STK35: variants seen among roughly 807,000 people sequenced by gnomAD.
STK35 encodes the protein serine/threonine-protein kinase 35.
STK35 carries 17 observed loss-of-function variants against 37.3 expected under a neutral mutation model. The ratio of observed to expected loss-of-function variants is 0.46; its 90% confidence interval spans 0.31 to 0.68. The LOEUF is 0.68. Ranked by LOEUF, STK35 falls within the 30% of genes least tolerant of loss-of-function variation. The pLI is 0.05. For missense variants in STK35, 595 were observed against 746.7 expected, an observed-to-expected ratio of 0.80 and a Z score of 2.37; for synonymous variants, 385 against 319.1, an observed-to-expected ratio of 1.21 and a Z score of -2.20.
chr20:2,104,214 T>G (rs984530217), intron 2 of STK35, among the ~76,000 whole-genome samples: 2 of 152,118 alleles, frequency 1.3e-5, no homozygotes, highest in African/African-American at 4.8e-5. Context: ...CTCACAAGCC[T>G]TTTTCATACT....
intron 2 of STK35, 26 bp downstream of exon 2, chr20:2,103,391 C>T: frequency 6.3e-7 from 1 of 1,594,002 alleles, no homozygotes; most frequent in Non-Finnish European, 8.6e-7. Flanking sequence ...GCCTTTCCAC[C>T]CACGCAGGGC....
chr20:2,104,348 C>T (rs1417728259), intron 2 of STK35, among the ~76,000 whole-genome samples: 4 of 152,164 alleles, frequency 2.6e-5, no homozygotes, highest in Non-Finnish European at 5.9e-5. Context: ...GGTCTCAGTG[C>T]TGAAGTAATT....
chr20:2,126,349 A>T (rs1385141946), intron 3 of STK35, among the ~76,000 whole-genome samples: 4 of 152,184 alleles, frequency 2.6e-5, no homozygotes, highest in Non-Finnish European at 5.9e-5. Context: ...CTCAGTAGAG[A>T]TACAGGAGGA....
intron 3 of STK35, among the ~76,000 whole-genome samples, chr20:2,135,563 G>A (rs550124089): frequency 3.3e-5 from 5 of 152,304 alleles, no homozygotes; most frequent in East Asian, 1.9e-4. Flanking sequence ...AAGAGGCTTT[G>A]TGCATTTTAA....
At chr20:2,118,001 A>C (rs1985748723) in intron 3 of STK35, among the ~76,000 whole-genome samples, 1 of 152,220 alleles carries the variant, frequency 6.6e-6, no homozygotes, top group African/African-American at 2.4e-5. Flanking sequence ...TCATCATTAT[A>C]AATGCTCACT....
At chr20:2,122,404 T>C (rs1036216825) in intron 3 of STK35, among the ~76,000 whole-genome samples, 2 of 152,146 alleles carry the variant, frequency 1.3e-5, no homozygotes, top group Non-Finnish European at 2.9e-5. Flanking sequence ...AAAAAACACC[T>C]CAATGTTTTA....
intron 2 of STK35, among the ~76,000 whole-genome samples, chr20:2,115,988 T>C (rs1421363991): frequency 6.6e-6 from 1 of 152,164 alleles, no homozygotes; most frequent in Non-Finnish European, 1.5e-5. Flanking sequence ...TTGTAGTAGT[T>C]GAGCCTGATG....
chr20:2,102,280 G>A, intron 1 of STK35, 105 bp downstream of exon 1: 1 of 1,349,776 alleles, frequency 7.4e-7, no homozygotes, highest in Non-Finnish European at 9.6e-7. Context: ...GTCGCACTCC[G>A]AGAAGCCGAA....
rs1008549027 is a variant in STK35, at chr20:2,103,137, G to A, written c.664G>A (p.Gly222Arg). ...SYGVVYEAVA[G>R]RSGARVAVKK... Reference sequence around the variant, plus strand: ...CGGCGTGGTTTATGAGGCAGTGGCCGGGCGCAGCGGGGCCCGGGTGGCGGT... The same window carrying A: ...CGGCGTGGTTTATGAGGCAGTGGCCAGGCGCAGCGGGGCCCGGGTGGCGGT... Residue 222 changes from glycine to arginine, a missense_variant, in exon 2 of 4, where the codon GGG (glycine) becomes AGG (arginine). Physicochemically the swap from Gly to Arg is moderately radical, Grantham distance 125 (BLOSUM62 -2). Around this residue, in one of 3 missense-constraint regions of STK35, gnomAD observed 97 missense variants for 146.4 expected, o/e 0.66. Transcript: ENST00000381482. 3.4e-5 allele frequency: 55 copies of A among 1,604,740 alleles called. No homozygotes were observed. The highest frequency in any genetic ancestry group is 4.2e-5 in the Non-Finnish European group (50 of 1,179,188).
At chr20:2,134,124 G>A (rs1021192020) in intron 3 of STK35, among the ~76,000 whole-genome samples, 6 of 152,068 alleles carry the variant, frequency 3.9e-5, no homozygotes, top group African/African-American at 1.4e-4. Flanking sequence ...GCTGGGCGTG[G>A]TGGTGCACAC....
rs1049826103 is a variant in STK35 at position 2,117,761 on chromosome 20, A to G, written c.*37+346A>G. On this transcript the variant is annotated intron_variant, in intron 3 of 3. Transcript: ENST00000381482. This position sits in a 1 kb window ranked among gnomAD's most constrained non-coding sequence, Gnocchi z 4.4. ...TGCCCAGCCTCTCTTTTTTTTCTGT[A>G]TGCCCACTTCTTGGACCGGGTTCTT... Among the ~76,000 whole-genome samples the G allele has an allele frequency of 1.3e-5, 2 of 151,994 alleles. No individual in the cohort carries two copies. Among genetic ancestry groups the G allele is most frequent in the Non-Finnish European group, 2.9e-5 (2 of 67,996 alleles).
chr20:2,108,815 C>A (rs903216354), intron 2 of STK35, among the ~76,000 whole-genome samples: 1 of 152,144 alleles, frequency 6.6e-6, no homozygotes, highest in African/African-American at 2.4e-5. Context: ...TATAAACTCT[C>A]GAGGGGTGCT....
At chr20:2,122,092 G>A (rs1293777047) in intron 3 of STK35, among the ~76,000 whole-genome samples, 2 of 152,212 alleles carry the variant, frequency 1.3e-5, no homozygotes, top group African/African-American at 4.8e-5. Flanking sequence ...CAGCACTTTG[G>A]GAAGCCAAGT....
chr20:2,107,706 TC>T (rs1317497679), intron 2 of STK35, among the ~76,000 whole-genome samples: 3 of 152,110 alleles, frequency 2.0e-5, no homozygotes, highest in Non-Finnish European at 2.9e-5. Flanking sequence ...CCTGCAAACT[TC>T]CCCAACTTGT....
chr20:2,134,604 C>T (rs1986054237), intron 3 of STK35, among the ~76,000 whole-genome samples: 1 of 152,138 alleles, frequency 6.6e-6, no homozygotes, highest in African/African-American at 2.4e-5. Flanking sequence ...TTAAAAAATG[C>T]CTGGGGCCTG....
In STK35 at chr20:2,117,593, T is replaced by C. The variant is rs112497825; in HGVS notation, c.*37+178T>C. Among the ~76,000 whole-genome samples the C allele has an allele frequency of 0.011, 1,615 of 152,244 alleles. 23 individuals carry two copies. Among genetic ancestry groups the C allele is most frequent in the African/African-American group, 0.034 (1,428 of 41,550 alleles). Reference sequence around the variant, plus strand: ...CTGGGTAGCTGGGATTACAGGCACCTGCCATCATGCCCGGCTAATTTTTGT... The same window carrying C: ...CTGGGTAGCTGGGATTACAGGCACCCGCCATCATGCCCGGCTAATTTTTGT... On this transcript the variant is annotated intron_variant, in intron 3 of 3. Coordinates refer to ENST00000381482, the MANE Select transcript of STK35 (RefSeq NM_080836.4). This position sits in a 1 kb window ranked among gnomAD's most constrained non-coding sequence, Gnocchi z 4.4.
rs183839304 is a variant in STK35 at position 2,129,595 on chromosome 20, A to G, written c.*37+12180A>G. Among the ~76,000 whole-genome samples, 539 of 152,270 alleles carry G rather than the reference A, an allele frequency of 3.5e-3. 4 individuals are homozygous for G. Among genetic ancestry groups the G allele is most frequent in the African/African-American group, 0.011 (473 of 41,544 alleles). ...GTTGGGCACTGTAGTGGGTGCCTCTATTAATAACACATGGGTGAAAAAAGC... is the reference window on the plus strand; with the variant it reads ...GTTGGGCACTGTAGTGGGTGCCTCTGTTAATAACACATGGGTGAAAAAAGC... On this transcript the variant is annotated intron_variant, in intron 3 of 3. Transcript: ENST00000381482.
intron 2 of STK35, 48 bp downstream of exon 2, chr20:2,103,413 G>C (rs1257547278): frequency 6.4e-7 from 1 of 1,560,430 alleles, no homozygotes; most frequent in Non-Finnish European, 8.7e-7. Context: ...TGGACCCCCT[G>C]CTCTCCGGAC....
chr20:2,127,476 G>A (rs1985926183), intron 3 of STK35, among the ~76,000 whole-genome samples: 1 of 152,158 alleles, frequency 6.6e-6, no homozygotes, highest in Non-Finnish European at 1.5e-5. Context: ...ATTGCATCTT[G>A]GATCTGATGA....
Sources: allele counts gnomAD v4.1 joint callset (sites outside exome capture counted in the v4.1 genomes callset), GRCh38; gene constraint gnomAD v4.1.1; regional missense constraint gnomAD v4.1.1; non-coding constraint Gnocchi (gnomAD v3.1); transcripts MANE v1.5; gene names NCBI Gene and HGNC (gene_info 2026-07-23, HGNC 2026-07-21).